Variants in CADM2 observed in about 807,000 individuals in gnomAD.
CADM2 encodes the protein cell adhesion molecule 2.
Under a neutral mutation model 49.8 loss-of-function variants are expected in CADM2, and 12 were observed. That is an observed-to-expected ratio of 0.24 (90% confidence interval 0.15 to 0.39). The LOEUF (loss-of-function observed/expected upper bound fraction) is 0.39. Ranked by LOEUF, CADM2 falls within the 10% of genes least tolerant of loss-of-function variation. CADM2 has a pLI of 1.00. For missense variants in CADM2, 378 were observed against 492.3 expected, an observed-to-expected ratio of 0.77 and a Z score of 2.20; for synonymous variants, 214 against 175.4, an observed-to-expected ratio of 1.22 and a Z score of -1.74.
intron 7 of CADM2, among the ~76,000 whole-genome samples, chr3:85,957,632 G>T (rs111337957): frequency 9.2e-5 from 14 of 151,762 alleles, no homozygotes; most frequent in African/African-American, 3.4e-4. Context: ...TGCAGATTGA[G>T]GTCTCAGTCC....
intron 1 of CADM2, among the ~76,000 whole-genome samples, chr3:85,473,297 C>T (rs1380347728): frequency 6.6e-6 from 1 of 152,038 alleles, no homozygotes; most frequent in Non-Finnish European, 1.5e-5. Context: ...TAAATATTTA[C>T]TGCATAACTC....
chr3:85,044,761 A>C (rs2107378740), intron 1 of CADM2, among the ~76,000 whole-genome samples: 1 of 151,872 alleles, frequency 6.6e-6, no homozygotes, highest in East Asian at 1.9e-4. Flanking sequence ...CATTTATAAA[A>C]AAGTTTTAGT....
rs555959860 is a variant in CADM2, at chr3:85,717,747, A to G, written c.62-8775A>G. Among the ~76,000 whole-genome samples, 6 of 152,172 alleles carry G rather than the reference A, an allele frequency of 3.9e-5. No homozygotes were observed. The South Asian group carries it at 6.2e-4, about 16-fold the overall frequency. Reference sequence around the variant, plus strand: ...CTTTTCTGCATCTATTGAGATAATCATGTGGTTTTGTGGGGGTTTTTGTTT... The same window carrying G: ...CTTTTCTGCATCTATTGAGATAATCGTGTGGTTTTGTGGGGGTTTTTGTTT... On this transcript the variant is annotated intron_variant, in intron 1 of 9. Coordinates refer to ENST00000383699, the MANE Select transcript of CADM2 (RefSeq NM_001167675.2).
chr3:85,778,231 T>C (rs1283814409), intron 2 of CADM2, among the ~76,000 whole-genome samples: 1 of 152,226 alleles, frequency 6.6e-6, no homozygotes, highest in African/African-American at 2.4e-5. Context: ...GCCATTGTGT[T>C]TCCTGTTTCT....
At position 85,963,215 on chromosome 3, in the gene CADM2, A is replaced by G. The variant is rs555012195; in HGVS notation, c.970+1568A>G. Among the ~76,000 whole-genome samples, 4 of 152,122 alleles carry G rather than the reference A, an allele frequency of 2.6e-5. No individual in the cohort carries two copies. The South Asian group carries it at 6.2e-4, about 24-fold the overall frequency. On this transcript the variant is annotated intron_variant, in intron 8 of 9. Transcript: ENST00000383699. ...AAGGCTCACAATGAATAGGCTATTC[A>G]TGTAAAACATCTAGAAAATAGTAGA...
chr3:85,254,273 GC>G (rs760017965), intron 1 of CADM2, among the ~76,000 whole-genome samples: 11 of 152,024 alleles, frequency 7.2e-5, no homozygotes, highest in Non-Finnish European at 1.5e-4. Context: ...GAGTTTCCAT[GC>G]CCTGTCTAGG....
chr3:86,043,616 G>A (rs577691490), intron 8 of CADM2, among the ~76,000 whole-genome samples: 20 of 152,266 alleles, frequency 1.3e-4, no homozygotes, highest in African/African-American at 3.1e-4. Context: ...AATCAATATC[G>A]TGAAAATGGC....
intron 1 of CADM2, among the ~76,000 whole-genome samples, chr3:85,416,678 G>A (rs1235690602): frequency 1.3e-5 from 2 of 152,088 alleles, no homozygotes; most frequent in African/African-American, 2.4e-5. Context: ...CCTGGAATAC[G>A]AAAAAAATTT....
chr3:84,961,170 G>A (rs1575923491), intron 1 of CADM2, among the ~76,000 whole-genome samples: 1 of 152,154 alleles, frequency 6.6e-6, no homozygotes, highest in Non-Finnish European at 1.5e-5. Flanking sequence ...GCCTTTGGAG[G>A]ATTTAAATGA....
At chr3:85,732,673 C>A (rs2067982140) in intron 2 of CADM2, among the ~76,000 whole-genome samples, 1 of 152,148 alleles carries the variant, frequency 6.6e-6, no homozygotes, top group Non-Finnish European at 1.5e-5. Context: ...GCTAATATTT[C>A]TTAAATGTTA....
chr3:85,749,413 C>A (rs1047405509), intron 2 of CADM2, among the ~76,000 whole-genome samples: 1 of 151,872 alleles, frequency 6.6e-6, no homozygotes, highest in East Asian at 1.9e-4. Context: ...GTTATCTTTA[C>A]TTTCACAGCA....
intron 1 of CADM2, among the ~76,000 whole-genome samples, chr3:85,200,206 T>G (rs1258698684): frequency 6.6e-6 from 1 of 152,014 alleles, no homozygotes; most frequent in Non-Finnish European, 1.5e-5. Context: ...TGACCTTCCT[T>G]GCAGGTTTAA....
At chr3:85,642,760 C>CAAA (rs1446815126) in intron 1 of CADM2, among the ~76,000 whole-genome samples, 3 of 152,064 alleles carry the variant, frequency 2.0e-5, no homozygotes, top group Non-Finnish European at 2.9e-5. Flanking sequence ...CAGTGCAGTA[C>CAAA]AGTCAAGCAA....
chr3:85,475,977 C>T (rs189117768), intron 1 of CADM2, among the ~76,000 whole-genome samples: 171 of 151,904 alleles, frequency 1.1e-3, no homozygotes, highest in Non-Finnish European at 1.7e-3. Context: ...GAAATAAAAA[C>T]ATTGCAGAAA....
At chr3:85,406,985 C>T (rs1390509361) in intron 1 of CADM2, among the ~76,000 whole-genome samples, 2 of 151,978 alleles carry the variant, frequency 1.3e-5, no homozygotes, top group Non-Finnish European at 2.9e-5. Context: ...CCCTTCAGCC[C>T]AGGAGTTCAA....
Position 85,062,943 on chromosome 3 carries a change from A to G in CADM2, c.61+103275A>G, listed in dbSNP as rs143132747. 3.4e-4 allele frequency among the ~76,000 whole-genome samples: 52 copies of G among 152,034 alleles called. No homozygotes were observed. The South Asian group carries it at 6.0e-3, about 18-fold the overall frequency. ...ATGAATTTTAGACTATTTGATTTGA[A>G]TTGAGGCATCACTTAGGAATTGAAC... is the stretch of plus-strand genomic sequence containing the variant. On this transcript the variant is annotated intron_variant, in intron 1 of 9. Coordinates refer to ENST00000383699, the MANE Select transcript of CADM2 (RefSeq NM_001167675.2).
chr3:85,346,695 T>C (rs920837464), intron 1 of CADM2, among the ~76,000 whole-genome samples: 1 of 152,192 alleles, frequency 6.6e-6, no homozygotes, highest in East Asian at 1.9e-4. Context: ...CTCTTAAAAA[T>C]CTTCAAAACT....
chr3:85,833,367 T>G (rs2074264454), intron 3 of CADM2, among the ~76,000 whole-genome samples: 1 of 151,394 alleles, frequency 6.6e-6, no homozygotes, highest in Non-Finnish European at 1.5e-5. Flanking sequence ...TAGAGAGGAG[T>G]CCCTCCTGCT....
intron 1 of CADM2, among the ~76,000 whole-genome samples, chr3:85,313,776 A>T (rs977488951): frequency 6.6e-6 from 1 of 152,186 alleles, no homozygotes; most frequent in Non-Finnish European, 1.5e-5. Flanking sequence ...AGAATGATAT[A>T]TTTCTTTGCT....
Sources: allele counts gnomAD v4.1 joint callset (sites outside exome capture counted in the v4.1 genomes callset), GRCh38; gene constraint gnomAD v4.1.1; transcripts MANE v1.5; gene names NCBI Gene and HGNC (gene_info 2026-07-23, HGNC 2026-07-21).